Variants in GLI3 observed in about 807,000 individuals in gnomAD.
GLI3 encodes the protein transcription activator GLI3.
In GLI3, 20 loss-of-function variants were observed where a neutral mutation model predicts 100.8. The ratio of observed to expected loss-of-function variants is 0.20; its 90% confidence interval spans 0.14 to 0.29. The LOEUF (loss-of-function observed/expected upper bound fraction) is 0.29. Among genes scored for constraint, GLI3 ranks in the 10% least tolerant of loss-of-function variants. GLI3 has a pLI of 1.00. For missense variants in GLI3, 2,040 were observed against 2,128.5 expected (o/e 0.96, Z 0.82); for synonymous variants, 938 against 860.5 (o/e 1.09, Z -1.58).
intron 2 of GLI3, among the ~76,000 whole-genome samples, chr7:42,182,663 T>TAC (rs1787627869): frequency 1.6e-5 from 1 of 60,716 alleles, no homozygotes; most frequent in African/African-American, 6.9e-5. Flanking sequence ...TATATATATA[T>TAC]ATATATATAT....
In GLI3 at chr7:42,139,605, G is replaced by A. The variant is rs552850294; in HGVS notation, c.367+8621C>T. 3.7e-3 allele frequency among the ~76,000 whole-genome samples: 567 copies of A among 151,570 alleles called. 2 individuals carry two copies. Among genetic ancestry groups the A allele is most frequent in the Middle Eastern group, 0.024 (7 of 292 alleles). On this transcript the variant is annotated intron_variant, in intron 3 of 14. Transcript: ENST00000395925. ...GAGGCAAGAGAATCACTTGAACCCG[G>A]GAAGCAGAGGTTGCGGTGAGCCGAG...
intron 3 of GLI3, among the ~76,000 whole-genome samples, chr7:42,102,224 T>C (rs547269315): frequency 6.6e-6 from 1 of 152,266 alleles, no homozygotes. Flanking sequence ...CTGGGTCAAA[T>C]GGTATTTCTA....
intron 10 of GLI3, among the ~76,000 whole-genome samples, chr7:42,022,223 A>G (rs1232574809): frequency 1.3e-5 from 2 of 152,202 alleles, no homozygotes; most frequent in Non-Finnish European, 2.9e-5. Flanking sequence ...AACATTCTGT[A>G]TAGAACAGAG....
chr7:41,977,869 A>C (rs1004286018), intron 11 of GLI3, 147 bp from the exon 12 acceptor site: 15 of 728,248 alleles, frequency 2.1e-5, no homozygotes, highest in Non-Finnish European at 3.7e-5. Context: ...TAAACTCTGC[A>C]TTTATTGGGA....
At chr7:42,233,495 C>T (rs1011933112) in intron 1 of GLI3, among the ~76,000 whole-genome samples, 2 of 152,174 alleles carry the variant, frequency 1.3e-5, no homozygotes, top group Non-Finnish European at 2.9e-5. Flanking sequence ...TGCATAGAGA[C>T]GTTTGACTGC....
At chr7:42,105,821 G>T (rs1244557614) in intron 3 of GLI3, among the ~76,000 whole-genome samples, 4 of 152,038 alleles carry the variant, frequency 2.6e-5, no homozygotes, top group Non-Finnish European at 5.9e-5. Context: ...CAAAGAGGCA[G>T]CTCTGTCTCT....
At chr7:42,025,730 C>A (rs1181307319) in intron 8 of GLI3, among the ~76,000 whole-genome samples, 1 of 152,188 alleles carries the variant, frequency 6.6e-6, no homozygotes, top group Non-Finnish European at 1.5e-5. Flanking sequence ...TTGTGAAGTT[C>A]TTTAATTAGA....
chr7:41,990,244 T>G (rs1787945869), intron 10 of GLI3, among the ~76,000 whole-genome samples: 1 of 152,102 alleles, frequency 6.6e-6, no homozygotes, highest in Non-Finnish European at 1.5e-5. Flanking sequence ...AAAATCAAGC[T>G]ACTAGGAGCA....
Position 42,026,196 on chromosome 7 carries a change from C to T in GLI3, c.1242+3G>A, listed in dbSNP as rs1583804917. On this transcript the variant is annotated splice_donor_region_variant and intron_variant, in intron 8 of 14. Coordinates refer to ENST00000395925, the MANE Select transcript of GLI3 (RefSeq NM_000168.6). ...GCCGGGTGCATCGACCTGTCCCTCT[C>T]ACCTGTGAGGACTCAGAAGGGCCGG... 2.5e-6 allele frequency: 4 copies of T among 1,608,628 alleles called. No homozygotes were observed. Among genetic ancestry groups the T allele is most frequent in the East Asian group, 2.2e-5 (1 of 44,752 alleles).
intron 2 of GLI3, among the ~76,000 whole-genome samples, chr7:42,162,176 C>T (rs971851518): frequency 6.6e-6 from 1 of 152,198 alleles, no homozygotes; most frequent in Non-Finnish European, 1.5e-5. Flanking sequence ...GAGGAAAGGC[C>T]TCTTCTTCAG....
rs61754622 is a variant in GLI3, at chr7:41,967,654, C to T, written c.2373G>A (p.Pro791=). 4.8e-4 allele frequency: 770 copies of T among 1,614,090 alleles called. 1 individual carries two copies. The African/African-American group carries it at 7.4e-3, about 15-fold the overall frequency. The change falls in exon 14 of 15, where the codon CCG becomes CCA. Residue 791 remains proline (P), a synonymous_variant. Coordinates refer to ENST00000395925, the MANE Select transcript of GLI3 (RefSeq NM_000168.6). ...ERLKQVNGMF[P]RLNPILPPKA... ...TAGGGGGTAGAATGGGGTTCAGTCG[C>T]GGAAACATTCCATTCACTTGTTTTA...
chr7:42,200,551 T>C (rs773893056), intron 2 of GLI3, among the ~76,000 whole-genome samples: 1 of 152,202 alleles, frequency 6.6e-6, no homozygotes, highest in Non-Finnish European at 1.5e-5. Context: ...TCAGGCAGTG[T>C]TGAAGTGATG....
intron 7 of GLI3, among the ~76,000 whole-genome samples, chr7:42,038,713 A>G (rs1445759478): frequency 6.6e-6 from 1 of 152,232 alleles, no homozygotes; most frequent in Non-Finnish European, 1.5e-5. Context: ...TAAAATTAGG[A>G]TTTACCACAT....
chr7:41,970,692 G>T (rs1787340950), intron 13 of GLI3, among the ~76,000 whole-genome samples: 2 of 152,160 alleles, frequency 1.3e-5, no homozygotes, highest in Non-Finnish European at 2.9e-5. Context: ...AAGAGAAAAT[G>T]ACAATTTTCT....
intron 3 of GLI3, among the ~76,000 whole-genome samples, chr7:42,125,733 A>C (rs1220840097): frequency 6.6e-6 from 1 of 152,228 alleles, no homozygotes; most frequent in South Asian, 2.1e-4. Context: ...CCCATAATAC[A>C]GAGCTGTCCT....
intron 10 of GLI3, among the ~76,000 whole-genome samples, chr7:41,987,351 T>C (rs1488308014): frequency 6.6e-6 from 1 of 152,168 alleles, no homozygotes; most frequent in Admixed American, 6.5e-5. Context: ...GTATTTTTAG[T>C]AGAGACGGGG....
intron 3 of GLI3, among the ~76,000 whole-genome samples, chr7:42,130,959 G>A (rs1450321471): frequency 2.0e-5 from 3 of 152,130 alleles, no homozygotes; most frequent in Admixed American, 1.3e-4. Flanking sequence ...GATGGTAATA[G>A]AAAATGTAGT....
chr7:42,000,000 CAG>C (rs1788240841), intron 10 of GLI3, among the ~76,000 whole-genome samples: 1 of 152,206 alleles, frequency 6.6e-6, no homozygotes, highest in African/African-American at 2.4e-5. Flanking sequence ...CTTACCCAGA[CAG>C]GGAGAGGGAA....
intron 4 of GLI3, among the ~76,000 whole-genome samples, chr7:42,057,314 G>A (rs1468387569): frequency 6.6e-6 from 1 of 152,212 alleles, no homozygotes; most frequent in Non-Finnish European, 1.5e-5. Flanking sequence ...ACCCACTAGA[G>A]TGGCTAAAAT....
Sources: gnomAD v4.1 joint callset for allele counts (sites outside exome capture counted in the v4.1 genomes callset) on GRCh38, gnomAD v4.1.1 for gene constraint, MANE v1.5 for transcripts, NCBI Gene and HGNC (gene_info 2026-07-23, HGNC 2026-07-21) for gene names.